The following SLC44A5 variants were observed in gnomAD, a reference collection of about 807,000 sequenced individuals.
SLC44A5 encodes solute carrier family 44 member 5.
SLC44A5 carries 57 observed loss-of-function variants against 101.8 expected under a neutral mutation model. The observed-to-expected ratio is 0.56, with a 90% CI of 0.45 to 0.70. The LOEUF is 0.70. Ranked by LOEUF, SLC44A5 falls within the 30% of genes least tolerant of loss-of-function variation. The pLI, the probability that SLC44A5 is intolerant of heterozygous loss-of-function variation, is 0.00. For missense variants in SLC44A5, 737 were observed against 853.1 expected (o/e 0.86, Z 1.70); for synonymous variants, 281 against 290.9 (o/e 0.97, Z 0.35).
At chr1:75,671,512 T>C in the SLC44A5 span, among the ~76,000 whole-genome samples, 24 of 152,090 alleles carry the variant, frequency 1.6e-4, no homozygotes, top group Admixed American at 7.2e-4. Context: ...AATAGAACCA[T>C]AAAAAAGCAG....
Position 75,213,992 on chromosome 1 carries a change from G to A in SLC44A5, c.1803-3C>T. ...TAACTTCATCTGTAACTGCAACTCT[G>A]AGTATCAGAAAAAAAGAAAGTATAA... On this transcript the variant is annotated splice_region_variant and splice_polypyrimidine_tract_variant and intron_variant, in intron 20 of 23. Coordinates refer to ENST00000370859, the MANE Select transcript of SLC44A5 (RefSeq NM_001130058.2). The A allele has an allele frequency of 6.4e-7, 1 of 1,551,350 alleles. No individual in the cohort carries two copies. The highest frequency in any genetic ancestry group is 8.8e-7 in the Non-Finnish European group (1 of 1,140,696).
chr1:75,271,497 T>TTTTTTGTGTGTGTGTGTG (rs1553152601), intron 6 of SLC44A5, among the ~76,000 whole-genome samples: 1,739 of 146,352 alleles, frequency 0.012, 19 homozygotes, highest in Middle Eastern at 0.028. Context: ...TCTGCATGTT[T>TTTTTTGTGTGTGTGTGTG]TGTGTGTGTG....
chr1:75,619,753 G>C, the SLC44A5 span, among the ~76,000 whole-genome samples: 1 of 152,134 alleles, frequency 6.6e-6, no homozygotes, highest in African/African-American at 2.4e-5. Flanking sequence ...TAGAATTAGA[G>C]ATTACCAAGG....
At chr1:75,605,215 A>C (rs1675251958) in intron 1 of SLC44A5, among the ~76,000 whole-genome samples, 1 of 149,548 alleles carries the variant, frequency 6.7e-6, no homozygotes, top group Non-Finnish European at 1.5e-5. Flanking sequence ...TGAATTTAAA[A>C]TTGCTTCTTT....
At chr1:75,675,800 A>G in the SLC44A5 span, among the ~76,000 whole-genome samples, 25 of 152,328 alleles carry the variant, frequency 1.6e-4, no homozygotes, top group Admixed American at 1.3e-3. Context: ...TTTGCAATCT[A>G]TCCATCTAAC....
chr1:75,262,500 A>G (rs751721475), intron 6 of SLC44A5, among the ~76,000 whole-genome samples: 9 of 152,248 alleles, frequency 5.9e-5, no homozygotes, highest in Non-Finnish European at 1.2e-4. Context: ...AACAAATGGA[A>G]AAATATTTCA....
intron 2 of SLC44A5, among the ~76,000 whole-genome samples, chr1:75,485,304 C>T (rs891286088): frequency 8.5e-5 from 13 of 152,192 alleles, no homozygotes; most frequent in African/African-American, 3.1e-4. Flanking sequence ...GAATGCTTTG[C>T]TGCTTAGAAA....
chr1:75,679,234 A>G, the SLC44A5 span, among the ~76,000 whole-genome samples: 1 of 152,318 alleles, frequency 6.6e-6, no homozygotes, highest in Non-Finnish European at 1.5e-5. Context: ...AAGGCAGGCC[A>G]ACGTTCAGAT....
At chr1:75,531,841 G>A (rs1670738309) in intron 2 of SLC44A5, among the ~76,000 whole-genome samples, 1 of 151,898 alleles carries the variant, frequency 6.6e-6, no homozygotes, top group African/African-American at 2.4e-5. Context: ...GTGGTAAATA[G>A]ATTAAGAAAG....
intron 6 of SLC44A5, among the ~76,000 whole-genome samples, chr1:75,260,656 G>T (rs544243997): frequency 6.6e-6 from 1 of 152,062 alleles, no homozygotes; most frequent in African/African-American, 2.4e-5. Context: ...CCTGAACTCA[G>T]CTCTGCAACA....
the SLC44A5 span, among the ~76,000 whole-genome samples, chr1:75,674,591 A>G: frequency 7.3e-6 from 1 of 136,698 alleles, no homozygotes; most frequent in African/African-American, 2.8e-5. Flanking sequence ...TGTTGGTGAG[A>G]CTGGTTTCGA....
At chr1:75,249,556 A>G (rs946757406) in intron 7 of SLC44A5, among the ~76,000 whole-genome samples, 1 of 152,120 alleles carries the variant, frequency 6.6e-6, no homozygotes, top group African/African-American at 2.4e-5. Flanking sequence ...GGACAGGGAA[A>G]TCTTCTCAGA....
intron 6 of SLC44A5, among the ~76,000 whole-genome samples, chr1:75,263,847 G>A (rs1302919988): frequency 6.6e-6 from 1 of 152,082 alleles, no homozygotes; most frequent in Admixed American, 6.6e-5. Context: ...GGATGAAGCT[G>A]GAAACCATCA....
At chr1:75,393,521 C>A (rs1661931880) in intron 3 of SLC44A5, among the ~76,000 whole-genome samples, 1 of 151,946 alleles carries the variant, frequency 6.6e-6, no homozygotes, top group Admixed American at 6.6e-5. Flanking sequence ...TTGGTAGGGG[C>A]AAAGTAGCCA....
chr1:75,602,161 T>A (rs1675019666), intron 1 of SLC44A5, among the ~76,000 whole-genome samples: 1 of 152,190 alleles, frequency 6.6e-6, no homozygotes, highest in South Asian at 2.1e-4. Context: ...ATAGGTTAAA[T>A]GCCTCTCTTG....
At chr1:75,530,564 G>T (rs1262436146) in intron 2 of SLC44A5, among the ~76,000 whole-genome samples, 3 of 152,134 alleles carry the variant, frequency 2.0e-5, no homozygotes, top group African/African-American at 7.2e-5. Context: ...GTCTGTTCAT[G>T]TGCTTCTTTT....
chr1:75,508,040 T>G (rs1669365673), intron 2 of SLC44A5, among the ~76,000 whole-genome samples: 2 of 152,114 alleles, frequency 1.3e-5, no homozygotes, highest in South Asian at 4.1e-4. Context: ...CTACAGAATA[T>G]TCCATCCATC....
chr1:75,452,937 G>C (rs1174310058), intron 2 of SLC44A5, among the ~76,000 whole-genome samples: 7 of 152,028 alleles, frequency 4.6e-5, no homozygotes, highest in African/African-American at 1.7e-4. Flanking sequence ...CCACATAATA[G>C]TGAGGGACTT....
At chr1:75,354,015 CT>C in intron 3 of SLC44A5, 1 of 348,516 alleles carries the variant, frequency 2.9e-6, no homozygotes, top group Non-Finnish European at 5.5e-6. Flanking sequence ...AACACATGAC[CT>C]TTCACTCACT....
Sources: allele counts gnomAD v4.1 joint callset (sites outside exome capture counted in the v4.1 genomes callset), GRCh38; gene constraint gnomAD v4.1.1; transcripts MANE v1.5; gene names NCBI Gene and HGNC (gene_info 2026-07-23, HGNC 2026-07-21).